The following SLC16A6 variants were observed in gnomAD, a reference collection of about 807,000 sequenced individuals.
SLC16A6 encodes monocarboxylate transporter 7.
SLC16A6 carries 15 observed loss-of-function variants against 33.8 expected under a neutral mutation model. The observed-to-expected ratio is 0.44, with a 90% CI of 0.30 to 0.68. The LOEUF is 0.68. SLC16A6 is among the 30% of genes least tolerant of loss of function. SLC16A6 has a pLI of 0.10. For synonymous variants in SLC16A6, 219 were observed against 248.4 expected (o/e 0.88, Z 1.11); for missense variants, 451 against 661.5 (o/e 0.68, Z 3.49).
chr17:68,282,252 C>G (rs1481656851), intron 1 of SLC16A6, among the ~76,000 whole-genome samples: 8 of 146,254 alleles, frequency 5.5e-5, no homozygotes, highest in African/African-American at 2.0e-4. Flanking sequence ...ATCGCAAGGA[C>G]AAAAAAAACA....
chr17:68,273,944 G>T lies in SLC16A6; in HGVS notation c.359C>A (p.Ala120Asp). The change falls in exon 3 of 6, where the codon GCC (alanine) becomes GAC (aspartate). Residue 120 changes from alanine (A) to aspartate (D), a missense_variant. Physicochemically the swap from Ala to Asp is moderately radical, Grantham distance 126. This residue lies in a region of SLC16A6 where 405 missense variants were observed against 510.7 expected (regional missense o/e 0.79). Coordinates refer to ENST00000580666, the MANE Select transcript of SLC16A6 (RefSeq NM_004694.5). Reference sequence around the variant, plus strand: ...ACACTTACCAGAGATGATGCCGATGGCGACGTACATATGAGAAACCTCTTG... The same window carrying T: ...ACACTTACCAGAGATGATGCCGATGTCGACGTACATATGAGAAACCTCTTG... ...FSQEVSHMYVAIGIISGLGYC... is the reference protein window; with the variant it reads ...FSQEVSHMYVDIGIISGLGYC... The T allele has an allele frequency of 6.2e-7, 1 of 1,614,160 alleles. No individual in the cohort carries two copies. Among genetic ancestry groups the T allele is most frequent in the Non-Finnish European group, 8.5e-7 (1 of 1,179,998 alleles).
intron 1 of SLC16A6, among the ~76,000 whole-genome samples, chr17:68,283,507 T>C (rs1446881843): frequency 1.7e-4 from 20 of 116,006 alleles, no homozygotes; most frequent in Middle Eastern, 6.8e-3. Context: ...GGCGACAGAG[T>C]GAGACTCCGT....
Position 68,278,218 on chromosome 17 carries a change from C to T in SLC16A6, c.103G>A (p.Glu35Lys), listed in dbSNP as rs1555751655. The T allele has an allele frequency of 6.2e-7, 1 of 1,614,166 alleles. No homozygotes were observed. The highest frequency in any genetic ancestry group is 1.1e-5 in the South Asian group (1 of 91,088). The change falls in exon 2 of 6, where the codon GAA becomes AAA. Residue 35 changes from glutamate to lysine, a missense_variant. Physicochemically the swap from Glu to Lys is moderately conservative, Grantham distance 56. This residue lies in a region of SLC16A6 where 405 missense variants were observed against 510.7 expected (regional missense o/e 0.79). Transcript: ENST00000580666. ...WAVAVSFFFV[E>K]VFTYGIIKTF... ...TTGATGATGCCGTAGGTGAAGACTT[C>T]AACGAAGAAAAATGAAACAGCTACC... is the stretch of plus-strand genomic sequence containing the variant.
chr17:68,270,967 G>C lies in SLC16A6; in HGVS notation c.1193C>G (p.Thr398Arg). 1 of 1,614,136 alleles carries C rather than the reference G, an allele frequency of 6.2e-7. No individual in the cohort carries two copies. Among genetic ancestry groups the C allele is most frequent in the Non-Finnish European group, 8.5e-7 (1 of 1,180,034 alleles). The change falls in exon 5 of 6, where the codon ACA becomes AGA. Residue 398 changes from threonine to arginine, a missense_variant. Physicochemically the swap from Thr to Arg is moderately conservative, Grantham distance 71. This residue lies in a region of SLC16A6 where 405 missense variants were observed against 510.7 expected (regional missense o/e 0.79). Transcript: ENST00000580666. ...CSIFFGFMVG[T>R]IGGTHIPLLA... ...CAGTGGAATGTGAGTCCCTCCTATTGTTCCAACCATAAACCCAAAAAATAT... is the reference window on the plus strand; with the variant it reads ...CAGTGGAATGTGAGTCCCTCCTATTCTTCCAACCATAAACCCAAAAAATAT...
At chr17:68,273,903 T>G in intron 3 of SLC16A6, 24 bp downstream of exon 3, 1 of 1,611,596 alleles carries the variant, frequency 6.2e-7, no homozygotes, top group Non-Finnish European at 8.5e-7. Context: ...CTAGACAACT[T>G]CTGAGCCAAA....
chr17:68,273,771 A>G (rs1555749930), intron 3 of SLC16A6, 156 bp downstream of exon 3: 2 of 841,670 alleles, frequency 2.4e-6, no homozygotes, highest in East Asian at 2.6e-5. Flanking sequence ...TGAAGTCCAT[A>G]TAGCTCAGTT....
chr17:68,276,438 G>C lies in SLC16A6; in HGVS notation c.232+1651C>G, dbSNP rs548874182. On this transcript the variant is annotated intron_variant, in intron 2 of 5. Coordinates refer to ENST00000580666, the MANE Select transcript of SLC16A6 (RefSeq NM_004694.5). ...CTTAGGGAAGTTTAAGGTCAGCCTG[G>C]TTAACTTTCTTTATTTTTTTTATTT... Among the ~76,000 whole-genome samples, 8 of 152,064 alleles carry C rather than the reference G, an allele frequency of 5.3e-5. No homozygotes were observed. In the East Asian group the frequency reaches 1.6e-3, roughly 29 times the overall value.
At position 68,288,779 on chromosome 17, in the gene SLC16A6, A is replaced by G. The variant is rs545724080; in HGVS notation, c.-8+2307T>C. ...TTGGTCTTCTTAAAGCTCTTAGGCC[A>G]TATTTGTTAATTTCTGTGTACCATT... On this transcript the variant is annotated intron_variant, in intron 1 of 5. Transcript: ENST00000580666. Among the ~76,000 whole-genome samples, 11 of 152,312 alleles carry G rather than the reference A, an allele frequency of 7.2e-5. No homozygotes were observed. The East Asian group carries it at 2.1e-3, about 29-fold the overall frequency.
At position 68,271,498 on chromosome 17, in the gene SLC16A6, T is replaced by G. The variant is rs4410141; in HGVS notation, c.662A>C (p.Glu221Ala). 2 of 1,614,064 alleles carry G rather than the reference T, an allele frequency of 1.2e-6. No homozygotes were observed. The highest frequency in any genetic ancestry group is 2.2e-5 in the East Asian group (1 of 44,888). Residue 221 changes from glutamate to alanine, a missense_variant, in exon 5 of 6, where the codon GAA becomes GCA. Physicochemically the swap from Glu to Ala is moderately radical, Grantham distance 107. Transcript: ENST00000580666. This position sits in a 1 kb window ranked among gnomAD's most constrained non-coding sequence, Gnocchi z 5.3. ...PKIVIQENRK[E>A]AQYMLENEKT... ...CTCATTTTCAAGCATATACTGCGCT[T>G]CTTTCCGATTTTCCTGGATGACTAT...
intron 1 of SLC16A6, among the ~76,000 whole-genome samples, chr17:68,282,534 C>T (rs2075725758): frequency 6.6e-6 from 1 of 151,570 alleles, no homozygotes; most frequent in South Asian, 2.1e-4. Context: ...CGCAGTGGCT[C>T]ACGCCTGTAA....
Position 68,278,141 on chromosome 17 carries a change from A to G in SLC16A6, c.180T>C (p.Asn60=), listed in dbSNP as rs1236910865. Residue 60 remains asparagine, a synonymous_variant, in exon 2 of 6, where the codon AAT becomes AAC. Transcript: ENST00000580666. ...NDLMDSFNES[N]SRISWIISIC... ...TTGAGATTATCCATGAGATCCTGCT[A>G]TTGGATTCATTAAAACTGTCCATTA... 6.2e-7 allele frequency: 1 copy of G among 1,614,076 alleles called. No homozygotes were observed. Among genetic ancestry groups the G allele is most frequent in the Non-Finnish European group, 8.5e-7 (1 of 1,180,006 alleles).
chr17:68,269,044 C>A lies in SLC16A6; in HGVS notation c.*52G>T. On this transcript the variant is annotated 3_prime_UTR_variant, in exon 6 of 6. Transcript: ENST00000580666. ...CTGCCTCCTTGTGTCCCCGTTGGGC[C>A]CACCCCATCCCTCTCCAGCCAACAC... The A allele has an allele frequency of 6.3e-7, 1 of 1,591,308 alleles. No individual in the cohort carries two copies. Among genetic ancestry groups the A allele is most frequent in the Non-Finnish European group, 8.6e-7 (1 of 1,169,488 alleles).
At chr17:68,272,972 A>G (rs2075389383) in intron 3 of SLC16A6, among the ~76,000 whole-genome samples, 1 of 152,038 alleles carries the variant, frequency 6.6e-6, no homozygotes, top group Admixed American at 6.6e-5. Context: ...TGTTTGGGAT[A>G]CTAAAAATAT....
Position 68,278,201 on chromosome 17 carries a change from G to T in SLC16A6, c.120C>A (p.Gly40=), listed in dbSNP as rs1316298688. The T allele has an allele frequency of 2.5e-6, 4 of 1,613,904 alleles. No homozygotes were observed. Among genetic ancestry groups the T allele is most frequent in the Non-Finnish European group, 3.4e-6 (4 of 1,179,856 alleles). Residue 40 remains glycine (G), a synonymous_variant, in exon 2 of 6, where the codon GGC becomes GGA. Coordinates refer to ENST00000580666, the MANE Select transcript of SLC16A6 (RefSeq NM_004694.5). ...SFFFVEVFTY[G]IIKTFGVFFN... ...AGAAGACACCAAATGTCTTGATGAT[G>T]CCGTAGGTGAAGACTTCAACGAAGA...
intron 1 of SLC16A6, among the ~76,000 whole-genome samples, chr17:68,279,579 C>T (rs962049203): frequency 1.3e-5 from 2 of 152,096 alleles, no homozygotes; most frequent in South Asian, 4.1e-4. Flanking sequence ...CTGTAGGGCC[C>T]CATCTGGACA....
At chr17:68,269,514 A>G (rs1372585280) in intron 5 of SLC16A6, among the ~76,000 whole-genome samples, 168 bp from the exon 6 acceptor site, 4 of 143,428 alleles carry the variant, frequency 2.8e-5, no homozygotes, top group Admixed American at 7.2e-5. Flanking sequence ...TAGACTGGAG[A>G]GGAGAAAGAG....
At chr17:68,286,196 C>T (rs1476486055) in intron 1 of SLC16A6, among the ~76,000 whole-genome samples, 2 of 152,200 alleles carry the variant, frequency 1.3e-5, no homozygotes, top group African/African-American at 4.8e-5. Flanking sequence ...GTCTGGCCAG[C>T]ACTGAAGTTC....
chr17:68,283,286 C>T (rs1409431131), intron 1 of SLC16A6, among the ~76,000 whole-genome samples: 1 of 150,204 alleles, frequency 6.7e-6, no homozygotes, highest in African/African-American at 2.4e-5. Context: ...TTTGGGAGGC[C>T]GAGGCAGGCG....
At chr17:68,277,022 T>C (rs2075545557) in intron 2 of SLC16A6, among the ~76,000 whole-genome samples, 1 of 152,210 alleles carries the variant, frequency 6.6e-6, no homozygotes, top group Admixed American at 6.5e-5. Context: ...CTCAGAACAA[T>C]ATTTGTAATT....
Sources: allele counts gnomAD v4.1 joint callset (sites outside exome capture counted in the v4.1 genomes callset), GRCh38; gene constraint gnomAD v4.1.1; regional missense constraint gnomAD v4.1.1; non-coding constraint Gnocchi (gnomAD v3.1); transcripts MANE v1.5; gene names NCBI Gene and HGNC (gene_info 2026-07-23, HGNC 2026-07-21).